POLE2: variants seen among roughly 807,000 people sequenced by gnomAD.
POLE2 encodes DNA polymerase epsilon subunit 2.
Under a neutral mutation model 79.4 loss-of-function variants are expected in POLE2, and 56 were observed. The observed-to-expected ratio is 0.71, with a 90% CI of 0.57 to 0.88. The LOEUF is 0.88. Ranked by LOEUF, POLE2 falls within the 40% of genes least tolerant of loss-of-function variation. The pLI, the probability that POLE2 is intolerant of heterozygous loss-of-function variation, is 0.00. For missense variants in POLE2, 598 were observed against 638.9 expected, an observed-to-expected ratio of 0.94 and a Z score of 0.69; for synonymous variants, 212 against 214.0, an observed-to-expected ratio of 0.99 and a Z score of 0.08.
In POLE2 at chr14:49,655,005, C is replaced by G. The variant is rs753864454; in HGVS notation, c.1018G>C (p.Asp340His). The G allele has an allele frequency of 6.5e-7, 1 of 1,548,442 alleles. No homozygotes were observed. Among genetic ancestry groups the G allele is most frequent in the Non-Finnish European group, 8.8e-7 (1 of 1,140,186 alleles). Residue 340 changes from aspartate to histidine, a missense_variant and splice_region_variant, in exon 12 of 19, where the codon GAT (aspartate) becomes CAT (histidine). By Grantham distance (81) the Asp-to-His change is moderately conservative (BLOSUM62 -1). Coordinates refer to ENST00000216367, the MANE Select transcript of POLE2 (RefSeq NM_002692.4). ...YGKNQVQALK[D>H]SLKTLADIIC... The stretch of plus-strand genomic sequence containing the variant: ...TTCTTATTAAATAGATCGTTAATAC[C>G]TTTCAAAGCTTGAACTTGATTTTTT...
chr14:49,666,384 A>G lies in POLE2; in HGVS notation c.522T>C (p.Ser174=). 1.3e-6 allele frequency: 2 copies of G among 1,524,508 alleles called. No individual in the cohort carries two copies. The highest frequency in any genetic ancestry group is 1.8e-6 in the Non-Finnish European group (2 of 1,124,352). 94.4% of individuals were successfully genotyped at this position (1,524,508 alleles called of 1,614,324 possible). Residue 174 remains serine, a synonymous_variant, in exon 7 of 19, where the codon AGT becomes AGC. Coordinates refer to ENST00000216367, the MANE Select transcript of POLE2 (RefSeq NM_002692.4). Reference sequence around the variant, plus strand: ...CAATCGCATCTCCGATTTTGGTTGTACTACCCAATAAGGTTTCTATTGTTT... The same window carrying G: ...CAATCGCATCTCCGATTTTGGTTGTGCTACCCAATAAGGTTTCTATTGTTT... ...QLKTIETLLG[S]TTKIGDAIVL...
intron 17 of POLE2, among the ~76,000 whole-genome samples, chr14:49,648,781 T>C (rs1883968806): frequency 6.6e-6 from 1 of 152,194 alleles, no homozygotes. Context: ...CGATAAGCCA[T>C]GTCTTAGAAG....
At chr14:49,644,793 C>T (rs1285317502) in intron 18 of POLE2, among the ~76,000 whole-genome samples, 1 of 151,734 alleles carries the variant, frequency 6.6e-6, no homozygotes, top group Non-Finnish European at 1.5e-5. Context: ...TAATCCCAGC[C>T]ACTTTGGGAG....
At chr14:49,657,714 A>G (rs1884796875) in intron 10 of POLE2, among the ~76,000 whole-genome samples, 1 of 152,196 alleles carries the variant, frequency 6.6e-6, no homozygotes, top group African/African-American at 2.4e-5. Context: ...TGCTGGGATT[A>G]CAGGCATGAG....
At chr14:49,678,355 T>A (rs1886454665) in intron 3 of POLE2, among the ~76,000 whole-genome samples, 1 of 151,958 alleles carries the variant, frequency 6.6e-6, no homozygotes. Flanking sequence ...GGGGCTTTAC[T>A]GAGTGGGGGT....
chr14:49,655,736 A>G lies in POLE2; in HGVS notation c.863T>C (p.Val288Ala), dbSNP rs1423259829. ...LEEENKDAMF[V>A]FLSDVWLDQV... ...GTCCAACCAAACATCAGATAAAAAC[A>G]CAAACATAGCATCTTTATTCTCCTC... Residue 288 changes from valine (V) to alanine (A), a missense_variant, in exon 11 of 19, where the codon GTG becomes GCG. By Grantham distance (64) the Val-to-Ala change is moderately conservative. Transcript: ENST00000216367. 6.2e-7 allele frequency: 1 copy of G among 1,612,304 alleles called. No individual in the cohort carries two copies. The highest frequency in any genetic ancestry group is 1.3e-5 in the African/African-American group (1 of 74,998).
intron 10 of POLE2, 151 bp from the exon 11 acceptor site, chr14:49,655,994 A>C: frequency 3.7e-6 from 2 of 537,876 alleles, no homozygotes; most frequent in Non-Finnish European, 6.5e-6. Flanking sequence ...AGGTTATCTA[A>C]ATATTCTAAA....
intron 2 of POLE2, chr14:49,681,747 G>A (rs535200044): frequency 3.4e-5 from 5 of 147,632 alleles, no homozygotes; most frequent in African/African-American, 7.4e-5. Context: ...GCAGTGAACC[G>A]AGATGGCGCC....
intron 10 of POLE2, among the ~76,000 whole-genome samples, chr14:49,657,240 A>G (rs1197826876): frequency 6.6e-6 from 1 of 152,244 alleles, no homozygotes; most frequent in African/African-American, 2.4e-5. Context: ...ATCATGCTAT[A>G]AAACAATATT....
chr14:49,652,643 C>T (rs1325581641), intron 15 of POLE2, among the ~76,000 whole-genome samples: 1 of 152,112 alleles, frequency 6.6e-6, no homozygotes, highest in Non-Finnish European at 1.5e-5. Flanking sequence ...GCTGCACACT[C>T]GTTATAAGAA....
At chr14:49,668,457 G>GAAAAAAAAAAAAAAAAAA in intron 6 of POLE2, among the ~76,000 whole-genome samples, 1 of 77,478 alleles carries the variant, frequency 1.3e-5, no homozygotes, top group Non-Finnish European at 2.8e-5. Context: ...TCTATCAAAA[G>GAAAAAAAAAAAAAAAAAA]AAAAAAAAAA....
Position 49,670,808 on chromosome 14 carries a change from T to C in POLE2, c.418-1210A>G, listed in dbSNP as rs181349307. Among the ~76,000 whole-genome samples the C allele has an allele frequency of 2.4e-3, 360 of 152,348 alleles. 1 individual carries two copies. Among genetic ancestry groups the C allele is most frequent in the African/African-American group, 8.4e-3 (350 of 41,586 alleles). ...GGAAAGAGACAGATGCCTCCTGATA[T>C]TGTGTGAGCACCTGAATCCAGCCAG... On this transcript the variant is annotated intron_variant, in intron 5 of 18. Coordinates refer to ENST00000216367, the MANE Select transcript of POLE2 (RefSeq NM_002692.4).
At chr14:49,677,391 C>T in intron 3 of POLE2, 1 of 482,730 alleles carries the variant, frequency 2.1e-6, no homozygotes, top group Middle Eastern at 3.3e-4. Flanking sequence ...CGGCTTGAGG[C>T]CATTCATGCC....
intron 1 of POLE2, chr14:49,684,802 T>C (rs1887007233): frequency 6.6e-6 from 1 of 151,066 alleles, no homozygotes; most frequent in African/African-American, 2.4e-5. Context: ...TGAAACACCA[T>C]CTCTACTAAA....
intron 3 of POLE2, chr14:49,677,381 C>T (rs531149463): frequency 3.6e-4 from 173 of 485,064 alleles, no homozygotes; most frequent in African/African-American, 1.5e-3. Flanking sequence ...GTATCTACAG[C>T]GGCTTGAGGC....
chr14:49,674,571 C>A, intron 3 of POLE2, 144 bp from the exon 4 acceptor site: 1 of 623,510 alleles, frequency 1.6e-6, no homozygotes, highest in Non-Finnish European at 2.9e-6. Flanking sequence ...TTTTCTTTTT[C>A]TTTTTCTTTT....
chr14:49,666,387 A>G lies in POLE2; in HGVS notation c.519T>C (p.Gly173=). Residue 173 remains glycine (G), a synonymous_variant, in exon 7 of 19, where the codon GGT becomes GGC. Coordinates refer to ENST00000216367, the MANE Select transcript of POLE2 (RefSeq NM_002692.4). ...TCGCATCTCCGATTTTGGTTGTACTACCCAATAAGGTTTCTATTGTTTTAA... is the reference window on the plus strand; with the variant it reads ...TCGCATCTCCGATTTTGGTTGTACTGCCCAATAAGGTTTCTATTGTTTTAA... ...FQLKTIETLL[G]STTKIGDAIV... The G allele has an allele frequency of 6.6e-7, 1 of 1,514,080 alleles. No homozygotes were observed. The highest frequency in any genetic ancestry group is 9.0e-7 in the Non-Finnish European group (1 of 1,117,018). 93.8% of individuals were successfully genotyped at this position (1,514,080 alleles called of 1,614,324 possible). A position where few individuals can be genotyped will look rare whatever the true frequency, so the allele number is the denominator to read the frequency against.
At chr14:49,667,476 G>A (rs1000082441) in intron 6 of POLE2, among the ~76,000 whole-genome samples, 1 of 151,508 alleles carries the variant, frequency 6.6e-6, no homozygotes, top group Non-Finnish European at 1.5e-5. Context: ...CATTTAAGTT[G>A]TTCCCAGTTT....
intron 15 of POLE2, 45 bp downstream of exon 15, chr14:49,653,945 T>C (rs376122625): frequency 1.1e-4 from 132 of 1,222,958 alleles, no homozygotes; most frequent in Non-Finnish European, 1.4e-4. Flanking sequence ...CTGGCTAATT[T>C]TTAAATGAAA....
Sources: allele counts gnomAD v4.1 joint callset (sites outside exome capture counted in the v4.1 genomes callset), GRCh38; gene constraint gnomAD v4.1.1; transcripts MANE v1.5; gene names NCBI Gene and HGNC (gene_info 2026-07-23, HGNC 2026-07-21).